The following ATXN7 variants were observed in gnomAD, a reference collection of about 807,000 sequenced individuals.
ATXN7 encodes the protein ataxin-7.
In ATXN7, 12 loss-of-function variants were observed where a neutral mutation model predicts 70.5. That is an observed-to-expected ratio of 0.17 (90% CI 0.11 to 0.28). The LOEUF (loss-of-function observed/expected upper bound fraction) is 0.28, where lower values mean the gene tolerates loss of function less well. Ranked by LOEUF, ATXN7 falls within the 10% of genes least tolerant of loss-of-function variation. The pLI is 1.00. For missense variants in ATXN7, 1,256 were observed against 1,131.7 expected (o/e 1.11, Z -1.58); for synonymous variants, 498 against 448.7 (o/e 1.11, Z -1.39).
At chr3:63,911,197 A>T (rs775672887) in intron 2 of ATXN7, among the ~76,000 whole-genome samples, 4 of 152,202 alleles carry the variant, frequency 2.6e-5, no homozygotes, top group Non-Finnish European at 4.4e-5. Flanking sequence ...TCAAATTTTC[A>T]CATCAATTTG....
At chr3:63,996,655 A>G in intron 12 of ATXN7, 172 bp downstream of exon 12, 1 of 855,912 alleles carries the variant, frequency 1.2e-6, no homozygotes, top group Non-Finnish European at 1.7e-6. Flanking sequence ...TCACGGCCGT[A>G]TGAAGGTAAA....
chr3:63,919,597 A>G (rs1704425424), intron 4 of ATXN7, among the ~76,000 whole-genome samples: 1 of 151,686 alleles, frequency 6.6e-6, no homozygotes, highest in African/African-American at 2.4e-5. Flanking sequence ...ATCATTCACT[A>G]TCTTTTTTTT....
chr3:63,908,317 A>C (rs1019418104), intron 2 of ATXN7, among the ~76,000 whole-genome samples: 1 of 152,224 alleles, frequency 6.6e-6, no homozygotes, highest in African/African-American at 2.4e-5. Flanking sequence ...AAGGAAAGGC[A>C]TGCCCCTTGT....
chr3:63,928,002 A>G (rs1704783240), intron 4 of ATXN7, among the ~76,000 whole-genome samples: 1 of 152,186 alleles, frequency 6.6e-6, no homozygotes, highest in Admixed American at 6.5e-5. Flanking sequence ...CTATTCATGA[A>G]TCATATTCTC....
intron 5 of ATXN7, among the ~76,000 whole-genome samples, chr3:63,975,415 G>A (rs796423564): frequency 2.6e-4 from 39 of 152,236 alleles, no homozygotes; most frequent in African/African-American, 9.2e-4. Flanking sequence ...TTAAAAAATA[G>A]AGCCATAATC....
intron 1 of ATXN7, among the ~76,000 whole-genome samples, chr3:63,895,474 C>A (rs1241906918): frequency 6.6e-6 from 1 of 151,570 alleles, no homozygotes; most frequent in Non-Finnish European, 1.5e-5. Context: ...TTTTAAAATA[C>A]GTTTTTTTAC....
At chr3:63,913,324 C>T (rs889902551) in intron 4 of ATXN7, 99 bp downstream of exon 4, 7 of 1,248,036 alleles carry the variant, frequency 5.6e-6, no homozygotes, top group South Asian at 3.9e-5. Flanking sequence ...ACCGACTCCC[C>T]GACTCCCCGT....
chr3:63,987,725 TTGCTG>T (rs2075601026), intron 8 of ATXN7, among the ~76,000 whole-genome samples: 1 of 152,112 alleles, frequency 6.6e-6, no homozygotes, highest in African/African-American at 2.4e-5. Context: ...CAAAACCAAA[TTGCTG>T]TTGTGTCACA....
intron 1 of ATXN7, among the ~76,000 whole-genome samples, chr3:63,895,890 C>A (rs559044489): frequency 1.3e-5 from 2 of 152,068 alleles, no homozygotes; most frequent in Non-Finnish European, 2.9e-5. Context: ...GCAGCACATT[C>A]ATTCTTTCAT....
At chr3:63,984,410 G>C (rs1164593156) in intron 8 of ATXN7, among the ~76,000 whole-genome samples, 1 of 152,124 alleles carries the variant, frequency 6.6e-6, no homozygotes, top group Non-Finnish European at 1.5e-5. Flanking sequence ...AGTGGTGGTG[G>C]TGTATGAAGA....
intron 2 of ATXN7, chr3:63,901,038 T>A (rs1042166467): frequency 5.3e-5 from 8 of 152,260 alleles, no homozygotes; most frequent in African/African-American, 1.7e-4. Context: ...CCAACCTATG[T>A]GCTATGTTCT....
intron 5 of ATXN7, among the ~76,000 whole-genome samples, chr3:63,971,668 T>A (rs1575969542): frequency 6.6e-6 from 1 of 152,080 alleles, no homozygotes; most frequent in East Asian, 1.9e-4. Flanking sequence ...TGAGAAAAAA[T>A]ATATACATAT....
At chr3:63,983,752 G>A (rs17069603) in intron 8 of ATXN7, among the ~76,000 whole-genome samples, 7,496 of 152,200 alleles carry the variant, frequency 0.049, 239 homozygotes, top group African/African-American at 0.084. Flanking sequence ...GCTGAAAAGT[G>A]TGGGTTATTG....
At chr3:63,978,671 G>C (rs147830001) in intron 5 of ATXN7, among the ~76,000 whole-genome samples, 3 of 152,148 alleles carry the variant, frequency 2.0e-5, no homozygotes, top group Non-Finnish European at 1.5e-5. Flanking sequence ...CTTGATTGTA[G>C]CCTTTGTGTA....
At chr3:63,952,505 AAAT>A (rs2074971103) in intron 5 of ATXN7, 22 bp downstream of exon 5, 1 of 1,538,438 alleles carries the variant, frequency 6.5e-7, no homozygotes. Context: ...ACCATTTAAA[AAAT>A]TGTTAATAGA....
intron 4 of ATXN7, among the ~76,000 whole-genome samples, chr3:63,931,190 C>T (rs983765311): frequency 9.2e-5 from 14 of 151,510 alleles, no homozygotes; most frequent in Non-Finnish European, 1.5e-4. Flanking sequence ...CCTCCTGCCT[C>T]GGTGTCCCAA....
intron 10 of ATXN7, 120 bp downstream of exon 10, chr3:63,990,494 A>G (rs2106787174): frequency 7.5e-7 from 1 of 1,340,602 alleles, no homozygotes; most frequent in Non-Finnish European, 1.0e-6. Flanking sequence ...AAGGTGTGAG[A>G]GAAGTTCAAA....
At chr3:63,936,935 C>G (rs1559638621) in intron 4 of ATXN7, among the ~76,000 whole-genome samples, 1 of 152,162 alleles carries the variant, frequency 6.6e-6, no homozygotes, top group Non-Finnish European at 1.5e-5. Flanking sequence ...AAAATATTAT[C>G]ATTTTCAAAT....
chr3:63,973,002 C>G (rs1327720444), intron 5 of ATXN7, among the ~76,000 whole-genome samples: 1 of 152,152 alleles, frequency 6.6e-6, no homozygotes, highest in Non-Finnish European at 1.5e-5. Flanking sequence ...ACTTGGTCCA[C>G]AGTAGGCTCT....
Sources: allele counts gnomAD v4.1 joint callset (sites outside exome capture counted in the v4.1 genomes callset), GRCh38; gene constraint gnomAD v4.1.1; transcripts MANE v1.5; gene names NCBI Gene and HGNC (gene_info 2026-07-23, HGNC 2026-07-21).